The following LDB2 variants were observed in gnomAD, a reference collection of about 807,000 sequenced individuals.
LDB2 encodes the protein LIM domain binding 2, also known as LIM domain-binding protein 2.
LDB2 carries 12 observed loss-of-function variants against 44.3 expected under a neutral mutation model. The ratio of observed to expected loss-of-function variants is 0.27; its 90% CI spans 0.17 to 0.44. LDB2 has a LOEUF of 0.44. Among genes scored for constraint, LDB2 ranks in the 20% least tolerant of loss-of-function variants. The pLI is 1.00. For synonymous variants in LDB2, 164 were observed against 174.8 expected (o/e 0.94, Z 0.49); for missense variants, 344 against 473.5 (o/e 0.73, Z 2.54).
At chr4:16,567,736 C>T (rs1428345123) in intron 5 of LDB2, among the ~76,000 whole-genome samples, 1 of 152,204 alleles carries the variant, frequency 6.6e-6, no homozygotes, top group Non-Finnish European at 1.5e-5. Context: ...TGCCACTGCA[C>T]TCCAGCCTGG....
chr4:16,883,481 T>C (rs1375822674), intron 1 of LDB2, among the ~76,000 whole-genome samples: 1 of 152,222 alleles, frequency 6.6e-6, no homozygotes, highest in Non-Finnish European at 1.5e-5. Context: ...GGGCATGAAC[T>C]ACCATGCAGT....
At chr4:16,885,316 C>A (rs573227881) in intron 1 of LDB2, among the ~76,000 whole-genome samples, 4 of 151,750 alleles carry the variant, frequency 2.6e-5, no homozygotes, top group South Asian at 4.2e-4. Context: ...GCCTGGGGAG[C>A]AAGACGCTGT....
chr4:16,746,581 G>C (rs905520642), intron 2 of LDB2, among the ~76,000 whole-genome samples: 4 of 152,182 alleles, frequency 2.6e-5, no homozygotes, highest in Non-Finnish European at 4.4e-5. Flanking sequence ...GATGTCAGGA[G>C]TTTGAGATCA....
chr4:16,567,387 C>CGTGTGTGCATGCGT (rs1364486745), intron 5 of LDB2, among the ~76,000 whole-genome samples: 4 of 14,932 alleles, frequency 2.7e-4, no homozygotes, highest in Non-Finnish European at 1.9e-3. Flanking sequence ...TGTGTGTGCG[C>CGTGTGTGCATGCGT]GTGTGTGCAT....
At chr4:16,797,545 C>T (rs1352781304) in intron 1 of LDB2, among the ~76,000 whole-genome samples, 1 of 152,056 alleles carries the variant, frequency 6.6e-6, no homozygotes, top group Non-Finnish European at 1.5e-5. Context: ...TATGCTGAGA[C>T]ATTTTGAGTA....
chr4:16,664,057 A>G (rs1479707004), intron 2 of LDB2, among the ~76,000 whole-genome samples: 1 of 152,160 alleles, frequency 6.6e-6, no homozygotes, highest in Non-Finnish European at 1.5e-5. Context: ...GGGAATAGGA[A>G]GAGATGTCTT....
At chr4:16,824,891 C>T (rs183457645) in intron 1 of LDB2, among the ~76,000 whole-genome samples, 1 of 152,336 alleles carries the variant, frequency 6.6e-6, no homozygotes, top group Admixed American at 6.5e-5. Context: ...TCTCAGCCTG[C>T]TTAGAGCCAC....
At chr4:16,864,490 G>C (rs939368080) in intron 1 of LDB2, among the ~76,000 whole-genome samples, 9 of 152,066 alleles carry the variant, frequency 5.9e-5, no homozygotes, top group African/African-American at 2.2e-4. Context: ...GTAAGACTCG[G>C]GTAAAATGTA....
At chr4:16,571,274 G>T (rs1276488480) in intron 5 of LDB2, among the ~76,000 whole-genome samples, 1 of 152,176 alleles carries the variant, frequency 6.6e-6, no homozygotes, top group Non-Finnish European at 1.5e-5. Flanking sequence ...GCTGACATTA[G>T]CATAGGGATA....
At chr4:16,787,018 T>C (rs585867) in intron 1 of LDB2, among the ~76,000 whole-genome samples, 117,805 of 152,120 alleles carry the variant, frequency 0.77, 48,027 homozygotes, top group Middle Eastern at 0.92. Context: ...GAACCTATTG[T>C]TGATATCTAA....
Position 16,502,467 on chromosome 4 carries a change from A to C in LDB2, c.*176T>G. The C allele has an allele frequency of 2.2e-6, 2 of 894,030 alleles. No homozygotes were observed. The highest frequency in any genetic ancestry group is 3.5e-5 in the South Asian group (2 of 56,806). 55.4% of individuals were successfully genotyped at this position (894,030 alleles called of 1,614,324 possible). A position where few individuals can be genotyped will look rare whatever the true frequency, so the allele number is the denominator to read the frequency against. ...AGGGTCATGGAAGCTTACTGGGAAT[A>C]ATCCTCTCAATTAGAAAAAAAGAAA... On this transcript the variant is annotated 3_prime_UTR_variant, in exon 8 of 8. Transcript: ENST00000304523.
chr4:16,537,487 T>A (rs541870633), intron 5 of LDB2, among the ~76,000 whole-genome samples: 1 of 152,320 alleles, frequency 6.6e-6, no homozygotes, highest in East Asian at 1.9e-4. Flanking sequence ...ATTCTTCTCT[T>A]CTTTACAGAG....
intron 1 of LDB2, among the ~76,000 whole-genome samples, chr4:16,822,851 C>T (rs1782359855): frequency 6.6e-6 from 1 of 152,156 alleles, no homozygotes; most frequent in Admixed American, 6.5e-5. Context: ...ATTTACTAAG[C>T]ACATACTATG....
chr4:16,825,040 G>C (rs775615009), intron 1 of LDB2, among the ~76,000 whole-genome samples: 2 of 152,218 alleles, frequency 1.3e-5, no homozygotes, highest in Admixed American at 6.5e-5. Flanking sequence ...TGCAGTGGTA[G>C]CTGAGATACT....
intron 3 of LDB2, among the ~76,000 whole-genome samples, chr4:16,590,950 C>T (rs1718713820): frequency 6.6e-6 from 1 of 152,150 alleles, no homozygotes; most frequent in South Asian, 2.1e-4. Context: ...GGAGATTAAG[C>T]CACACAATTC....
At chr4:16,658,481 A>T (rs998335544) in intron 2 of LDB2, among the ~76,000 whole-genome samples, 1 of 152,188 alleles carries the variant, frequency 6.6e-6, no homozygotes. Context: ...TCAGGGAGTG[A>T]TGGAGTTTGG....
intron 1 of LDB2, among the ~76,000 whole-genome samples, chr4:16,847,998 G>A (rs1012501345): frequency 1.7e-4 from 26 of 152,204 alleles, no homozygotes; most frequent in African/African-American, 6.3e-4. Flanking sequence ...AATACATAGA[G>A]TCTTGTGAAA....
At chr4:16,691,406 C>A (rs1750742764) in intron 2 of LDB2, among the ~76,000 whole-genome samples, 1 of 152,108 alleles carries the variant, frequency 6.6e-6, no homozygotes, top group Non-Finnish European at 1.5e-5. Flanking sequence ...ATATTCTTTG[C>A]CCGAAGAGAA....
chr4:16,816,381 T>G (rs915717062), intron 1 of LDB2, among the ~76,000 whole-genome samples: 1 of 151,720 alleles, frequency 6.6e-6, no homozygotes, highest in Non-Finnish European at 1.5e-5. Flanking sequence ...ATATCTTCAT[T>G]TTTAGTTCTT....
Sources: gnomAD v4.1 joint callset for allele counts (sites outside exome capture counted in the v4.1 genomes callset) on GRCh38, gnomAD v4.1.1 for gene constraint, MANE v1.5 for transcripts, NCBI Gene and HGNC (gene_info 2026-07-23, HGNC 2026-07-21) for gene names.